Variants in SEMA6D observed in about 807,000 individuals in gnomAD.
SEMA6D encodes semaphorin-6D.
A neutral mutation model predicts 106.6 loss-of-function variants in SEMA6D; 35 were observed. That is an observed-to-expected ratio of 0.33 (90% CI 0.25 to 0.44). The LOEUF (loss-of-function observed/expected upper bound fraction) is 0.44. SEMA6D is among the 20% of genes least tolerant of loss of function. The pLI is 1.00. For synonymous variants in SEMA6D, 499 were observed against 487.7 expected (o/e 1.02, Z -0.31); for missense variants, 1,185 against 1,345.9 (o/e 0.88, Z 1.87).
intron 1 of SEMA6D, among the ~76,000 whole-genome samples, chr15:47,228,017 C>CTT (rs35418179): frequency 0.97 from 136,305 of 140,158 alleles, 66,357 homozygotes; most frequent in Middle Eastern, 1. Flanking sequence ...ATATAAGAAT[C>CTT]ATATATTTTT....
At chr15:47,664,812 T>C (rs2077993392) in intron 4 of SEMA6D, among the ~76,000 whole-genome samples, 1 of 152,242 alleles carries the variant, frequency 6.6e-6, no homozygotes, top group Non-Finnish European at 1.5e-5. Flanking sequence ...AAAGCTCATC[T>C]TGAGAATTGA....
In SEMA6D at chr15:47,756,065, A is replaced by G. The variant is rs113138098; in HGVS notation, c.-54-3680A>G. On this transcript the variant is annotated intron_variant, in intron 1 of 18. Coordinates refer to ENST00000536845, the MANE Select transcript of SEMA6D (RefSeq NM_001358351.3). ...ATTTAGTATTTAACATTAGGAATGT[A>G]TGGGAGAAGTTCATATAAAATACCA... is the stretch of plus-strand genomic sequence containing the variant. Among the ~76,000 whole-genome samples the G allele has an allele frequency of 4.9e-3, 739 of 152,144 alleles. 8 individuals carry two copies. In the Middle Eastern group the frequency reaches 0.071, roughly 15 times the overall value.
chr15:47,365,439 G>T (rs2145209242), intron 1 of SEMA6D, among the ~76,000 whole-genome samples: 1 of 152,246 alleles, frequency 6.6e-6, no homozygotes, highest in Admixed American at 6.5e-5. Context: ...GAAGGGCTGT[G>T]AATATCTCTT....
At chr15:47,373,992 C>T (rs1331543525) in intron 1 of SEMA6D, among the ~76,000 whole-genome samples, 1 of 152,128 alleles carries the variant, frequency 6.6e-6, no homozygotes, top group Non-Finnish European at 1.5e-5. Context: ...CATATAATGG[C>T]TAAACACTGA....
At chr15:47,312,272 C>T (rs923346518) in intron 1 of SEMA6D, among the ~76,000 whole-genome samples, 1 of 152,022 alleles carries the variant, frequency 6.6e-6, no homozygotes, top group African/African-American at 2.4e-5. Context: ...TGTGAACTTA[C>T]AGTTCTTCCT....
chr15:47,581,902 T>C (rs2076260729), intron 3 of SEMA6D, among the ~76,000 whole-genome samples: 1 of 6,482 alleles, frequency 1.5e-4, no homozygotes, highest in African/African-American at 1.7e-4. Flanking sequence ...TCTTTTCTCA[T>C]GGGAATAGAT....
At chr15:47,213,828 G>A (rs1388388858) in intron 1 of SEMA6D, among the ~76,000 whole-genome samples, 1 of 152,052 alleles carries the variant, frequency 6.6e-6, no homozygotes, top group Non-Finnish European at 1.5e-5. Flanking sequence ...TGAGGTGTGT[G>A]GCGAGTAATT....
chr15:47,430,349 C>G (rs1239338821), intron 2 of SEMA6D, among the ~76,000 whole-genome samples: 1 of 152,052 alleles, frequency 6.6e-6, no homozygotes, highest in Admixed American at 6.6e-5. Context: ...TTGCTGCAAA[C>G]TCTGTCCCTT....
intron 4 of SEMA6D, among the ~76,000 whole-genome samples, chr15:47,664,851 CAT>C (rs1331377971): frequency 1.3e-5 from 2 of 152,288 alleles, no homozygotes; most frequent in South Asian, 2.1e-4. Context: ...GCATGCAGTT[CAT>C]AGTCTCTGCA....
chr15:47,609,950 C>G (rs2076862862), intron 4 of SEMA6D, among the ~76,000 whole-genome samples: 3 of 152,208 alleles, frequency 2.0e-5, no homozygotes, highest in Admixed American at 2.0e-4. Flanking sequence ...GTGCTCTGTT[C>G]TGCCTAATGA....
chr15:47,421,658 T>A (rs1313129567), intron 2 of SEMA6D, among the ~76,000 whole-genome samples: 1 of 151,998 alleles, frequency 6.6e-6, no homozygotes, highest in Admixed American at 6.6e-5. Flanking sequence ...AGATTAGATT[T>A]GTGGTTGGGA....
intron 1 of SEMA6D, among the ~76,000 whole-genome samples, chr15:47,342,994 T>TGA (rs1262312790): frequency 1.3e-5 from 2 of 152,302 alleles, no homozygotes; most frequent in Admixed American, 1.3e-4. Flanking sequence ...ATTACAGGCA[T>TGA]GAGCCACTGC....
chr15:47,268,882 A>G (rs1011562045), intron 1 of SEMA6D, among the ~76,000 whole-genome samples: 1 of 152,044 alleles, frequency 6.6e-6, no homozygotes, highest in African/African-American at 2.4e-5. Flanking sequence ...ATTGCTGATG[A>G]ATTTTTGCTT....
In SEMA6D at chr15:47,475,992, G is replaced by A. The variant is rs112252589; in HGVS notation, c.-87+5447G>A. On this transcript the variant is annotated intron_variant, in intron 3 of 19. Coordinates refer to the SEMA6D transcript ENST00000558014. ...GCCTATAGTGGGAAGTTTGGGCAAA[G>A]TGTGGTGAAAACAAAGAGAATTGTT... Among the ~76,000 whole-genome samples, 1,207 of 152,290 alleles carry A rather than the reference G, an allele frequency of 7.9e-3. 6 individuals are homozygous for A. Among genetic ancestry groups the A allele is most frequent in the Admixed American group, 0.015 (227 of 15,290 alleles).
chr15:47,532,038 A>G (rs2044990137), intron 3 of SEMA6D, among the ~76,000 whole-genome samples: 1 of 152,178 alleles, frequency 6.6e-6, no homozygotes, highest in Admixed American at 6.6e-5. Context: ...CACTCCCGGC[A>G]GTTAATTCCT....
intron 2 of SEMA6D, among the ~76,000 whole-genome samples, chr15:47,449,514 T>A (rs2042125326): frequency 6.6e-6 from 1 of 152,120 alleles, no homozygotes; most frequent in African/African-American, 2.4e-5. Context: ...CAGACTGCCT[T>A]GAACCTGGAT....
intron 3 of SEMA6D, among the ~76,000 whole-genome samples, chr15:47,481,459 C>A (rs2043151021): frequency 6.6e-6 from 1 of 152,088 alleles, no homozygotes; most frequent in African/African-American, 2.4e-5. Context: ...ACACCTGAAC[C>A]CCAGTTATGT....
chr15:47,436,756 A>AT (rs1027290358), intron 2 of SEMA6D, among the ~76,000 whole-genome samples: 2 of 26,164 alleles, frequency 7.6e-5, no homozygotes, highest in African/African-American at 3.3e-4. Context: ...TCCTATCTCT[A>AT]TTAAAAAAAA....
chr15:47,191,101 G>T (rs1031047136), intron 1 of SEMA6D, among the ~76,000 whole-genome samples: 1 of 152,062 alleles, frequency 6.6e-6, no homozygotes, highest in African/African-American at 2.4e-5. Context: ...CTAGGCCTGG[G>T]AGCTTGAGGC....
Sources: gnomAD v4.1 joint callset for allele counts (sites outside exome capture counted in the v4.1 genomes callset) on GRCh38, gnomAD v4.1.1 for gene constraint, MANE v1.5 for transcripts, NCBI Gene and HGNC (gene_info 2026-07-23, HGNC 2026-07-21) for gene names.